FERMT2: variants seen among roughly 807,000 people sequenced by gnomAD.
The protein encoded by FERMT2 is fermitin family homolog 2.
A neutral mutation model predicts 82.7 loss-of-function variants in FERMT2; 15 were observed. The ratio of observed to expected loss-of-function variants is 0.18; its 90% CI spans 0.12 to 0.28. The LOEUF (loss-of-function observed/expected upper bound fraction) is 0.28. Ranked by LOEUF, FERMT2 falls within the 10% of genes least tolerant of loss-of-function variation. FERMT2 has a pLI of 1.00. For synonymous variants in FERMT2, 274 were observed against 271.5 expected (o/e 1.01, Z -0.09); for missense variants, 645 against 809.4 (o/e 0.80, Z 2.46).
chr14:52,916,899 T>TA, intron 3 of FERMT2, among the ~76,000 whole-genome samples: 1 of 152,038 alleles, frequency 6.6e-6, no homozygotes, highest in East Asian at 1.9e-4. Context: ...TATAAACAAT[T>TA]AAAAAAAGGA....
chr14:52,947,937 A>G (rs1408693886), intron 2 of FERMT2, among the ~76,000 whole-genome samples: 1 of 152,260 alleles, frequency 6.6e-6, no homozygotes, highest in Non-Finnish European at 1.5e-5. Context: ...ACCTTAAAAT[A>G]TAATGCTTTT....
intron 3 of FERMT2, among the ~76,000 whole-genome samples, chr14:52,893,832 G>GTT (rs58033043): frequency 7.2e-6 from 1 of 139,092 alleles, no homozygotes; most frequent in Non-Finnish European, 1.6e-5. Flanking sequence ...TCCCAGTTTT[G>GTT]TTTTTTTTTT....
At chr14:52,914,356 C>A (rs1253682678) in intron 3 of FERMT2, among the ~76,000 whole-genome samples, 1 of 151,478 alleles carries the variant, frequency 6.6e-6, no homozygotes, top group Non-Finnish European at 1.5e-5. Context: ...GGTGACAGAG[C>A]AAGATACTAT....
chr14:52,887,591 G>A (rs1886686504), intron 4 of FERMT2, among the ~76,000 whole-genome samples: 1 of 151,996 alleles, frequency 6.6e-6, no homozygotes, highest in Non-Finnish European at 1.5e-5. Context: ...ACTTTGGGAG[G>A]CTGAGGTGAA....
chr14:52,878,118 C>T (rs1161856499), intron 7 of FERMT2, among the ~76,000 whole-genome samples: 1 of 152,106 alleles, frequency 6.6e-6, no homozygotes, highest in Non-Finnish European at 1.5e-5. Flanking sequence ...GGTTTGGTTC[C>T]ACTAGTCTCT....
At chr14:52,943,152 G>C (rs919062462) in intron 2 of FERMT2, among the ~76,000 whole-genome samples, 3 of 143,060 alleles carry the variant, frequency 2.1e-5, no homozygotes, top group African/African-American at 8.3e-5. Flanking sequence ...AGGTTGCAGT[G>C]GACTGAAATC....
intron 2 of FERMT2, among the ~76,000 whole-genome samples, chr14:52,932,525 T>C (rs1889637962): frequency 6.6e-6 from 1 of 152,156 alleles, no homozygotes; most frequent in Non-Finnish European, 1.5e-5. Flanking sequence ...ACTTGAAGAA[T>C]GCATATACTA....
intron 10 of FERMT2, among the ~76,000 whole-genome samples, chr14:52,870,039 G>A (rs955862712): frequency 6.6e-6 from 1 of 152,182 alleles, no homozygotes; most frequent in African/African-American, 2.4e-5. Context: ...CAATGTTTAA[G>A]CTACGTGTCA....
In FERMT2 at chr14:52,858,152, C is replaced by A; in HGVS notation, c.*225G>T. 2.1e-6 allele frequency: 1 copy of A among 471,896 alleles called. No individual in the cohort carries two copies. The highest frequency in any genetic ancestry group is 3.8e-6 in the Non-Finnish European group (1 of 262,798). 29.2% of individuals were successfully genotyped at this position (471,896 alleles called of 1,614,324 possible). On this transcript the variant is annotated 3_prime_UTR_variant, in exon 15 of 15. Transcript: ENST00000341590. ...TTGCCCACTATTTCAGTTTTCAATT[C>A]ATGGCCCTAAGGAATGTGTGACAAA...
intron 3 of FERMT2, among the ~76,000 whole-genome samples, chr14:52,896,780 A>T (rs1025480449): frequency 6.6e-6 from 1 of 151,250 alleles, no homozygotes; most frequent in African/African-American, 2.5e-5. Context: ...GCTTGAGCTC[A>T]GGAGTTCAAG....
intron 3 of FERMT2, 134 bp from the exon 4 acceptor site, chr14:52,893,561 T>TGA: frequency 4.8e-6 from 3 of 629,200 alleles, no homozygotes; most frequent in Non-Finnish European, 8.0e-6. Flanking sequence ...ATTGATGTCA[T>TGA]GCAAAACACT....
At chr14:52,881,547 A>G in intron 4 of FERMT2, 78 bp from the exon 5 acceptor site, 1 of 1,101,428 alleles carries the variant, frequency 9.1e-7, no homozygotes, top group Non-Finnish European at 1.3e-6. Context: ...ATATTATGAT[A>G]TAAAGCACAT....
chr14:52,903,245 C>G (rs1594970993), intron 3 of FERMT2, among the ~76,000 whole-genome samples: 1 of 151,844 alleles, frequency 6.6e-6, no homozygotes, highest in African/African-American at 2.4e-5. Flanking sequence ...AAATCAAGAA[C>G]ACTATTAGGA....
intron 9 of FERMT2, among the ~76,000 whole-genome samples, chr14:52,873,185 T>C (rs1885737325): frequency 6.6e-6 from 1 of 152,158 alleles, no homozygotes; most frequent in Non-Finnish European, 1.5e-5. Context: ...TCTGCAGCTG[T>C]AGCCATCACA....
intron 2 of FERMT2, among the ~76,000 whole-genome samples, chr14:52,926,985 C>T (rs750410529): frequency 1.6e-4 from 25 of 152,138 alleles, no homozygotes; most frequent in South Asian, 2.1e-4. Context: ...CCCATCACAC[C>T]GTATCACGTG....
chr14:52,950,588 G>A lies in FERMT2; in HGVS notation c.-9-11C>T, dbSNP rs201214847. 2.5e-6 allele frequency: 4 copies of A among 1,609,884 alleles called. No homozygotes were observed. Among genetic ancestry groups the A allele is most frequent in the African/African-American group, 2.7e-5 (2 of 74,770 alleles). ...AGCCATGGCTCCTTCCTGCGAGCGCGGAGGAAATGGCTCTCGTAAGCGTCA... is the reference window on the plus strand; with the variant it reads ...AGCCATGGCTCCTTCCTGCGAGCGCAGAGGAAATGGCTCTCGTAAGCGTCA... On this transcript the variant is annotated splice_polypyrimidine_tract_variant and intron_variant, in intron 1 of 14. Coordinates refer to ENST00000341590, the MANE Select transcript of FERMT2 (RefSeq NM_006832.3).
intron 10 of FERMT2, among the ~76,000 whole-genome samples, chr14:52,866,133 CAAG>C (rs1485872602): frequency 6.6e-6 from 1 of 152,024 alleles, no homozygotes; most frequent in Non-Finnish European, 1.5e-5. Context: ...TTTAAAAAAA[CAAG>C]AAAACTAAAC....
intron 14 of FERMT2, 190 bp from the exon 15 acceptor site, chr14:52,858,740 C>A: frequency 1.9e-6 from 1 of 519,976 alleles, no homozygotes; most frequent in Non-Finnish European, 3.4e-6. Flanking sequence ...ATTGCCCTTC[C>A]CCTACACTTT....
chr14:52,874,811 A>C (rs1375283605), intron 8 of FERMT2, among the ~76,000 whole-genome samples: 1 of 152,160 alleles, frequency 6.6e-6, no homozygotes, highest in African/African-American at 2.4e-5. Context: ...TTAAAAACAA[A>C]CTTCCCAGTG....
Sources: gnomAD v4.1 joint callset for allele counts (sites outside exome capture counted in the v4.1 genomes callset) on GRCh38, gnomAD v4.1.1 for gene constraint, MANE v1.5 for transcripts, NCBI Gene and HGNC (gene_info 2026-07-23, HGNC 2026-07-21) for gene names.